Variants in XAF1 observed in about 807,000 individuals in gnomAD.
The protein encoded by XAF1 is XIAP associated factor 1, also known as XIAP-associated factor 1.
In XAF1, 32 loss-of-function variants were observed where a neutral mutation model predicts 32.3. The ratio of observed to expected loss-of-function variants is 0.99; its 90% CI spans 0.75 to 1.33. XAF1 has a LOEUF of 1.33. XAF1 is among the 40% of genes most tolerant of loss of function. The pLI is 0.00. For synonymous variants in XAF1, 120 were observed against 125.9 expected (o/e 0.95, Z 0.31); for missense variants, 379 against 366.0 (o/e 1.04, Z -0.29).
intron 5 of XAF1, among the ~76,000 whole-genome samples, chr17:6,768,176 T>G (rs753836383): frequency 2.6e-5 from 4 of 152,072 alleles, no homozygotes; most frequent in South Asian, 2.1e-4. Flanking sequence ...TGGGCTTGAG[T>G]GCAGTGGCAC....
At chr17:6,760,736 T>A in intron 4 of XAF1, 135 bp downstream of exon 4, 1 of 958,302 alleles carries the variant, frequency 1.0e-6, no homozygotes, top group Non-Finnish European at 1.5e-6. Context: ...TTCATCTGGC[T>A]ATTCTAATTC....
chr17:6,766,713 G>A (rs557232414), intron 5 of XAF1, among the ~76,000 whole-genome samples: 17 of 152,190 alleles, frequency 1.1e-4, no homozygotes, highest in South Asian at 2.1e-4. Context: ...TAATTGCTTC[G>A]GTTTTTCATT....
intron 1 of XAF1, among the ~76,000 whole-genome samples, chr17:6,756,634 C>T (rs1162339682): frequency 6.6e-6 from 1 of 152,176 alleles, no homozygotes; most frequent in Non-Finnish European, 1.5e-5. Flanking sequence ...AAGCTCCCTA[C>T]CTGTGACAGG....
intron 6 of XAF1, chr17:6,771,463 C>T (rs1976027876): frequency 6.5e-6 from 1 of 152,844 alleles, no homozygotes; most frequent in Admixed American, 6.5e-5. Flanking sequence ...AGGCATCTCC[C>T]TGAATATCAT....
In XAF1 at chr17:6,770,656, C is replaced by T. The variant is rs1255654519; in HGVS notation, c.521C>T (p.Pro174Leu). The change falls in exon 6 of 7, where the codon CCA (proline) becomes CTA (leucine). Residue 174 changes from proline (P) to leucine (L), a missense_variant. By Grantham distance (98) the Pro-to-Leu change is moderately conservative (BLOSUM62 -3). Coordinates refer to ENST00000361842, the MANE Select transcript of XAF1 (RefSeq NM_017523.5). The stretch of plus-strand genomic sequence containing the variant: ...TCACAATTGCAGGGTAAATGTTGTC[C>T]AGACTCAGAGTTTAAGAAACACTTT... Reference protein sequence around the residue: ...KYFHHMGKCCPDSEFKKHFPV... With the variant: ...KYFHHMGKCCLDSEFKKHFPV... The T allele has an allele frequency of 1.3e-6, 2 of 1,590,910 alleles. No homozygotes were observed. Among genetic ancestry groups the T allele is most frequent in the Middle Eastern group, 1.7e-4 (1 of 5,938 alleles).
intron 5 of XAF1, among the ~76,000 whole-genome samples, chr17:6,766,637 G>C (rs766833404): frequency 2.9e-4 from 44 of 152,206 alleles, no homozygotes; most frequent in Non-Finnish European, 5.4e-4. Context: ...CATTATAAAT[G>C]GTTTTCCACA....
At position 6,756,942 on chromosome 17, in the gene XAF1, A is replaced by G. The variant is rs1030157536; in HGVS notation, c.32+832A>G. Among the ~76,000 whole-genome samples the G allele has an allele frequency of 2.4e-4, 36 of 151,276 alleles. 2 individuals are homozygous for G. Among genetic ancestry groups the G allele is most frequent in the Non-Finnish European group, 1.5e-5 (1 of 67,914 alleles). Reference sequence around the variant, plus strand: ...CCCATTTCCCTTCTCCCAAGCTGCCACAAGCAAGAGCTGATGGAAATGAAA... The same window carrying G: ...CCCATTTCCCTTCTCCCAAGCTGCCGCAAGCAAGAGCTGATGGAAATGAAA... On this transcript the variant is annotated intron_variant, in intron 1 of 6. Transcript: ENST00000361842.
chr17:6,768,664 T>C (rs1034280606), intron 5 of XAF1, among the ~76,000 whole-genome samples: 1 of 152,270 alleles, frequency 6.6e-6, no homozygotes, highest in Non-Finnish European at 1.5e-5. Context: ...ATTTTGAAGA[T>C]TATTCCACTG....
At position 6,773,284 on chromosome 17, in the gene XAF1, TAAAAG is replaced by T. The variant is rs1976195115; in HGVS notation, c.*121_*125del. On this transcript the variant is annotated 3_prime_UTR_variant, in exon 7 of 7. Transcript: ENST00000361842. ...GTGATGGGTTTTATTCGTTGGGCTT[TAAAAG>T]AAAAGGTTTGGCAGAACTAAAAACA... 1.1e-6 allele frequency: 1 copy of T among 939,298 alleles called. No individual in the cohort carries two copies. The highest frequency in any genetic ancestry group is 1.5e-6 in the Non-Finnish European group (1 of 655,910). 58.2% of individuals were successfully genotyped at this position (939,298 alleles called of 1,614,324 possible).
At chr17:6,758,706 G>A (rs1974922923) in intron 2 of XAF1, 1 of 293,748 alleles carries the variant, frequency 3.4e-6, no homozygotes, top group Non-Finnish European at 6.6e-6. Context: ...AGTGGGTCCA[G>A]TCCTCCCTGC....
rs8081725 is a variant in XAF1, at chr17:6,774,861, A to C, written c.*1692A>C. ...TTTGAGACCAGCCTGGCCAACATGG[A>C]GAAACTCCGTCTCCGCTAAAAATAC... On this transcript the variant is annotated 3_prime_UTR_variant, in exon 7 of 7. Transcript: ENST00000361842. The C allele has an allele frequency of 0.47, 71,341 of 151,708 alleles. 18,135 individuals carry two copies. Among genetic ancestry groups the C allele is most frequent in the African/African-American group, 0.68 (28,119 of 41,324 alleles). 9.4% of individuals were successfully genotyped at this position (151,708 alleles called of 1,614,324 possible).
rs1477550591 is a variant in XAF1 at position 6,759,250 on chromosome 17, C to T, written c.169-412C>T. ...AGTTTTCCTATTTCCAATCCTTTCC[C>T]TACAGGCTTATGGATCTGGCATAGG... On this transcript the variant is annotated intron_variant, in intron 2 of 6. Coordinates refer to ENST00000361842, the MANE Select transcript of XAF1 (RefSeq NM_017523.5). 4 of 1,106,994 alleles carry T rather than the reference C, an allele frequency of 3.6e-6. No homozygotes were observed. In the African/African-American group the frequency reaches 6.5e-5, roughly 18 times the overall value. The allele number at this position is 1,106,994 out of a possible 1,614,324, so 68.6% of individuals were successfully genotyped here. A position where few individuals can be genotyped will look rare whatever the true frequency, so the allele number is the denominator to read the frequency against.
intron 1 of XAF1, 131 bp from the exon 2 acceptor site, chr17:6,757,958 G>C (rs565269390): frequency 6.6e-5 from 82 of 1,242,734 alleles, no homozygotes; most frequent in Admixed American, 4.2e-4. Context: ...TGTGGGGCAG[G>C]TGGTGTCATC....
At chr17:6,757,994 C>A in intron 1 of XAF1, 95 bp from the exon 2 acceptor site, 2 of 1,542,324 alleles carry the variant, frequency 1.3e-6, no homozygotes, top group Non-Finnish European at 8.9e-7. Flanking sequence ...GTGCTTAAGG[C>A]CTCTGGAGAT....
At position 6,759,934 on chromosome 17, in the gene XAF1, C is replaced by G. The variant is rs920824925; in HGVS notation, c.225+216C>G. The G allele has an allele frequency of 3.9e-6, 3 of 769,050 alleles. No individual in the cohort carries two copies. In the African/African-American group the frequency reaches 5.3e-5, roughly 13 times the overall value. 47.6% of individuals were successfully genotyped at this position (769,050 alleles called of 1,614,324 possible). ...GAAGGGTTTTCCATGGTCCATGAGTCCATCAGAGCTCAGATCCCCCGAAGG... is the reference window on the plus strand; with the variant it reads ...GAAGGGTTTTCCATGGTCCATGAGTGCATCAGAGCTCAGATCCCCCGAAGG... On this transcript the variant is annotated intron_variant, in intron 3 of 6. Transcript: ENST00000361842.
rs1334307634 is a variant in XAF1 at position 6,762,696 on chromosome 17, TG to T, written c.507+457del. Among the ~76,000 whole-genome samples the T allele has an allele frequency of 3.3e-5, 5 of 152,348 alleles. No individual in the cohort carries two copies. The South Asian group carries it at 1.0e-3, about 32-fold the overall frequency. On this transcript the variant is annotated intron_variant, in intron 5 of 6. Transcript: ENST00000361842. ...GTAGAGGCGCAGTTACGTGATTGAC[TG>T]ACTGACTGATTTTGCCTGGGAACAC...
At chr17:6,761,191 A>G (rs1301001387) in intron 4 of XAF1, among the ~76,000 whole-genome samples, 1 of 152,112 alleles carries the variant, frequency 6.6e-6, no homozygotes, top group African/African-American at 2.4e-5. Context: ...AGTCCTAGGA[A>G]ACAGGAGGCT....
At chr17:6,773,090 C>T in intron 6 of XAF1, 23 bp from the exon 7 acceptor site, 3 of 1,600,150 alleles carry the variant, frequency 1.9e-6, no homozygotes, top group Admixed American at 1.8e-5. Context: ...CCATATCAAA[C>T]TTTTTTTATA....
At chr17:6,756,367 C>A in intron 1 of XAF1, 2 of 1,145,896 alleles carry the variant, frequency 1.7e-6, no homozygotes, top group South Asian at 1.8e-5. Context: ...GTTCTGAAGC[C>A]AAATAGCCCG....
Sources: allele counts gnomAD v4.1 joint callset (sites outside exome capture counted in the v4.1 genomes callset), GRCh38; gene constraint gnomAD v4.1.1; transcripts MANE v1.5; gene names NCBI Gene and HGNC (gene_info 2026-07-23, HGNC 2026-07-21).